The following CACNB4 variants were observed in gnomAD, a reference collection of about 807,000 sequenced individuals.
CACNB4 encodes voltage-dependent L-type calcium channel subunit beta-4.
CACNB4 carries 32 observed loss-of-function variants against 71.2 expected under a neutral mutation model. The ratio of observed to expected loss-of-function variants is 0.45; its 90% CI spans 0.34 to 0.60. CACNB4 has a LOEUF of 0.60. Among genes scored for constraint, CACNB4 ranks in the 20% least tolerant of loss-of-function variants. The pLI, the probability that CACNB4 is intolerant of heterozygous loss-of-function variation, is 0.01. For synonymous variants in CACNB4, 231 were observed against 236.9 expected (o/e 0.97, Z 0.23); for missense variants, 464 against 647.9 (o/e 0.72, Z 3.08).
chr2:151,979,467 A>G (rs1261242350), intron 2 of CACNB4, among the ~76,000 whole-genome samples: 2 of 152,138 alleles, frequency 1.3e-5, no homozygotes, highest in Non-Finnish European at 2.9e-5. Context: ...GTTAAAAAAA[A>G]AAAAAAGAGC....
chr2:152,075,511 A>C (rs1686960873), intron 2 of CACNB4, among the ~76,000 whole-genome samples: 1 of 152,220 alleles, frequency 6.6e-6, no homozygotes. Flanking sequence ...AGTCACCAGA[A>C]AAAGCAACAG....
rs1199532180 is a variant in CACNB4, at chr2:151,833,265, T to C, written c.*5854A>G. ...TTATGTTAATACATTTATTTTTTATTCCTTCCCACCATCCCTACAAAAACA... is the reference window on the plus strand; with the variant it reads ...TTATGTTAATACATTTATTTTTTATCCCTTCCCACCATCCCTACAAAAACA... On this transcript the variant is annotated 3_prime_UTR_variant, in exon 14 of 14. Coordinates refer to ENST00000539935, the MANE Select transcript of CACNB4 (RefSeq NM_000726.5). 1.3e-5 allele frequency: 2 copies of C among 152,172 alleles called. No homozygotes were observed. Among genetic ancestry groups the C allele is most frequent in the Non-Finnish European group, 2.9e-5 (2 of 67,992 alleles). 9.4% of individuals were successfully genotyped at this position (152,172 alleles called of 1,614,324 possible). A position where few individuals can be genotyped will look rare whatever the true frequency, so the allele number is the denominator to read the frequency against.
chr2:151,983,893 T>TAA (rs1232657092), intron 2 of CACNB4, among the ~76,000 whole-genome samples: 2 of 152,296 alleles, frequency 1.3e-5, no homozygotes, highest in East Asian at 3.9e-4. Flanking sequence ...GAGCAAGCTA[T>TAA]AAATACTACC....
chr2:152,069,555 T>G (rs1167183885), intron 2 of CACNB4, among the ~76,000 whole-genome samples: 2 of 140,378 alleles, frequency 1.4e-5, no homozygotes, highest in Non-Finnish European at 3.1e-5. Context: ...ACACATACCC[T>G]CCACACTGGG....
intron 8 of CACNB4, chr2:151,870,193 C>G (rs2099844247): frequency 5.8e-6 from 4 of 683,864 alleles, no homozygotes; most frequent in Admixed American, 2.1e-5. Context: ...GCTGTTCATT[C>G]TCTATTACTT....
At chr2:151,990,860 G>A (rs564089176) in intron 2 of CACNB4, among the ~76,000 whole-genome samples, 1 of 152,290 alleles carries the variant, frequency 6.6e-6, no homozygotes, top group African/African-American at 2.4e-5. Context: ...TAAGATGACA[G>A]ATAAGCCCAT....
At chr2:151,977,688 C>T (rs1482726587) in intron 2 of CACNB4, among the ~76,000 whole-genome samples, 1 of 152,110 alleles carries the variant, frequency 6.6e-6, no homozygotes, top group East Asian at 1.9e-4. Context: ...GATTTAGAAG[C>T]AAAAGGCAAT....
chr2:151,948,658 C>CA (rs111874098), intron 2 of CACNB4, among the ~76,000 whole-genome samples: 1,525 of 140,716 alleles, frequency 0.011, 9 homozygotes, highest in Non-Finnish European at 0.016. Flanking sequence ...GAGATCCTGT[C>CA]AAAAAAAAAA....
At chr2:152,062,411 G>A (rs1466111288) in intron 2 of CACNB4, among the ~76,000 whole-genome samples, 1 of 152,092 alleles carries the variant, frequency 6.6e-6, no homozygotes, top group East Asian at 1.9e-4. Flanking sequence ...TTTCATTTTT[G>A]ATCCAGTCTC....
intron 2 of CACNB4, among the ~76,000 whole-genome samples, chr2:152,011,388 G>A (rs1376724345): frequency 6.6e-6 from 1 of 152,104 alleles, no homozygotes; most frequent in Non-Finnish European, 1.5e-5. Flanking sequence ...AACCCAAGCT[G>A]GGGTCTTGAA....
At chr2:152,013,609 C>G (rs913247312) in intron 2 of CACNB4, among the ~76,000 whole-genome samples, 1 of 152,076 alleles carries the variant, frequency 6.6e-6, no homozygotes, top group East Asian at 1.9e-4. Flanking sequence ...AAATTGAGCA[C>G]GAGATCCTGC....
Position 151,872,128 on chromosome 2 carries a change from T to G in CACNB4, c.598+289A>C, listed in dbSNP as rs867075883. ...ACCATCTTAAACTCTGTCCGTTCCT[T>G]AGGTAAAATAATGAATTTTTTGAAT... is the stretch of plus-strand genomic sequence containing the variant. On this transcript the variant is annotated intron_variant, in intron 6 of 13. Transcript: ENST00000539935. 25 of 312,932 alleles carry G rather than the reference T, an allele frequency of 8.0e-5. No individual in the cohort carries two copies. The Middle Eastern group carries it at 3.2e-3, about 40-fold the overall frequency. 19.4% of individuals were successfully genotyped at this position (312,932 alleles called of 1,614,324 possible). A position where few individuals can be genotyped will look rare whatever the true frequency, so the allele number is the denominator to read the frequency against.
chr2:151,870,648 G>T lies in CACNB4; in HGVS notation c.619-37C>A, dbSNP rs763257091. On this transcript the variant is annotated intron_variant, in intron 7 of 13. Transcript: ENST00000539935. ...GATTCGACACGCGTGACAAGGTGAG[G>T]TTGAGCATGCCTCTCCACAGCCACA... The T allele has an allele frequency of 4.6e-6, 7 of 1,527,248 alleles. No homozygotes were observed. The South Asian group carries it at 8.0e-5, about 17-fold the overall frequency. 94.6% of individuals were successfully genotyped at this position (1,527,248 alleles called of 1,614,324 possible).
At chr2:151,964,032 G>A (rs1330695969) in intron 2 of CACNB4, among the ~76,000 whole-genome samples, 2 of 130,528 alleles carry the variant, frequency 1.5e-5, no homozygotes, top group Admixed American at 9.0e-5. Flanking sequence ...TCGTGCCACT[G>A]CACTCCAACC....
chr2:152,082,367 T>G (rs915049640), intron 2 of CACNB4, among the ~76,000 whole-genome samples: 3 of 152,364 alleles, frequency 2.0e-5, no homozygotes, highest in Non-Finnish European at 2.9e-5. Context: ...TCTCAGCACT[T>G]AAGTGACAAA....
chr2:151,838,375 G>C lies in CACNB4; in HGVS notation c.*744C>G, dbSNP rs909581379. The C allele has an allele frequency of 6.6e-6, 1 of 152,558 alleles. No individual in the cohort carries two copies. Among genetic ancestry groups the C allele is most frequent in the Non-Finnish European group, 1.5e-5 (1 of 68,018 alleles). The allele number at this position is 152,558 out of a possible 1,614,324, so 9.5% of individuals were successfully genotyped here. Reference sequence around the variant, plus strand: ...ATTTGTTTTTGCCAACTTCAAATGAGCTAACAGTACTGACCAAACAAAAAG... The same window carrying C: ...ATTTGTTTTTGCCAACTTCAAATGACCTAACAGTACTGACCAAACAAAAAG... On this transcript the variant is annotated 3_prime_UTR_variant, in exon 14 of 14. Transcript: ENST00000539935.
In CACNB4 at chr2:152,098,856, A is replaced by C; in HGVS notation, c.63+93T>G. The C allele has an allele frequency of 9.1e-7, 1 of 1,096,616 alleles. No individual in the cohort carries two copies. The allele number at this position is 1,096,616 out of a possible 1,614,324, so 67.9% of individuals were successfully genotyped here. On this transcript the variant is annotated intron_variant, in intron 1 of 13. Transcript: ENST00000539935. The surrounding 1 kb of genome is among the most constrained non-coding windows in gnomAD (Gnocchi z 5.3). The stretch of plus-strand genomic sequence containing the variant: ...CCGACTCCCGGGACTGGGGCCCCGC[A>C]CGCCCGGCACGAAGGCGGGGCGCGC...
At chr2:152,057,312 T>C (rs565658821) in intron 2 of CACNB4, among the ~76,000 whole-genome samples, 33 of 152,266 alleles carry the variant, frequency 2.2e-4, no homozygotes, top group Non-Finnish European at 3.8e-4. Context: ...GACACCCTCA[T>C]TGCAGCCTTG....
intron 2 of CACNB4, among the ~76,000 whole-genome samples, chr2:151,988,419 T>C (rs1681495492): frequency 2.6e-5 from 4 of 152,150 alleles, no homozygotes; most frequent in Admixed American, 2.6e-4. Flanking sequence ...TTCCCCACCC[T>C]ACATGAGAGT....
Sources: allele counts gnomAD v4.1 joint callset (sites outside exome capture counted in the v4.1 genomes callset), GRCh38; gene constraint gnomAD v4.1.1; non-coding constraint Gnocchi (gnomAD v3.1); transcripts MANE v1.5; gene names NCBI Gene and HGNC (gene_info 2026-07-23, HGNC 2026-07-21).